The following CDKN1B variants were observed in gnomAD, a reference collection of about 807,000 sequenced individuals.
CDKN1B encodes the protein cyclin-dependent kinase inhibitor 1B.
In CDKN1B, 7 loss-of-function variants were observed where a neutral mutation model predicts 17.1. That is an observed-to-expected ratio of 0.41 (90% confidence interval 0.23 to 0.77). The LOEUF is 0.77. Ranked by LOEUF, CDKN1B falls within the 30% of genes least tolerant of loss-of-function variation. The pLI is 0.33. For missense variants in CDKN1B, 337 were observed against 262.0 expected (o/e 1.29, Z -1.98); for synonymous variants, 149 against 104.3 (o/e 1.43, Z -2.61).
rs146167605 is a variant in CDKN1B at position 12,718,879 on chromosome 12, G to C, written c.530G>C (p.Gly177Ala). ...AGAACAGAAGAAAATGTTTCAGACG[G>C]TTCCCCAAATGCCGGTTCTGTGGAG... ...ANRTEENVSDGSPNAGSVEQT... is the reference protein window; with the variant it reads ...ANRTEENVSDASPNAGSVEQT... Residue 177 changes from glycine to alanine, a missense_variant, in exon 2 of 3, where the codon GGT (glycine) becomes GCT (alanine). Coordinates refer to ENST00000228872, the MANE Select transcript of CDKN1B (RefSeq NM_004064.5). The C allele has an allele frequency of 1.2e-5, 19 of 1,614,112 alleles. No homozygotes were observed. In the African/African-American group the frequency reaches 2.5e-4, roughly 22 times the overall value.
intron 1 of CDKN1B, 75 bp downstream of exon 1, chr12:12,718,389 G>C: frequency 7.6e-7 from 1 of 1,324,084 alleles, no homozygotes; most frequent in Non-Finnish European, 1.1e-6. Context: ...ACCTTAGCTT[G>C]CTTTTCGGCG....
rs1946489200 is a variant in CDKN1B, at chr12:12,717,966, C to T, written c.127C>T (p.Arg43Trp). 1.2e-6 allele frequency: 2 copies of T among 1,614,036 alleles called. No individual in the cohort carries two copies. The highest frequency in any genetic ancestry group is 1.7e-5 in the Admixed American group (1 of 60,002). The change falls in exon 1 of 3, where the codon CGG becomes TGG. Residue 43 changes from arginine to tryptophan, a missense_variant. Transcript: ENST00000228872. ...FGPVDHEELT[R>W]DLEKHCRDME... is the part of the protein sequence containing the mutation. ...CCCGGTGGACCACGAAGAGTTAACC[C>T]GGGACTTGGAGAAGCACTGCAGAGA...
intron 2 of CDKN1B, 75 bp downstream of exon 2, chr12:12,719,029 G>C: frequency 1.9e-6 from 3 of 1,579,930 alleles, no homozygotes; most frequent in African/African-American, 1.3e-5. Flanking sequence ...CTTACTGGTT[G>C]CTGGCAAATT....
chr12:12,718,693 G>A, intron 1 of CDKN1B, 132 bp from the exon 2 acceptor site: 1 of 1,056,290 alleles, frequency 9.5e-7, no homozygotes, highest in Non-Finnish European at 1.5e-6. Context: ...AAGCCACTGG[G>A]GATGACGGAT....
rs777875072 is a variant in CDKN1B, at chr12:12,718,310, C to A, written c.471C>A (p.Thr157=). Residue 157 remains threonine, a synonymous_variant, in exon 1 of 3, where the codon ACC becomes ACA. Transcript: ENST00000228872. ...QCAGIRKRPA[T]DDSSTQNKRA... ...CAGGAATAAGGAAGCGACCTGCAACCGACGGTAATGACCCTTTCCCAACCA... is the reference window on the plus strand; with the variant it reads ...CAGGAATAAGGAAGCGACCTGCAACAGACGGTAATGACCCTTTCCCAACCA... The A allele has an allele frequency of 1.5e-5, 24 of 1,601,050 alleles. No individual in the cohort carries two copies. Among genetic ancestry groups the A allele is most frequent in the African/African-American group, 8.0e-5 (6 of 74,948 alleles).
At position 12,717,513 on chromosome 12, in the gene CDKN1B, G is replaced by A. The variant is rs2136354914; in HGVS notation, c.-327G>A. The A allele has an allele frequency of 2.9e-6, 4 of 1,375,092 alleles. No homozygotes were observed. The East Asian group carries it at 8.5e-5, about 29-fold the overall frequency. The allele number at this position is 1,375,092 out of a possible 1,614,324, so 85.2% of individuals were successfully genotyped here. A position where few individuals can be genotyped will look rare whatever the true frequency, so the allele number is the denominator to read the frequency against. On this transcript the variant is annotated 5_prime_UTR_variant, in exon 1 of 3. Coordinates refer to ENST00000228872, the MANE Select transcript of CDKN1B (RefSeq NM_004064.5). The stretch of plus-strand genomic sequence containing the variant: ...CGCCGGCAAGGTTTGGAGAGCGGCT[G>A]GGTTCGCGGGACCCGCGGGCTTGCA...
rs747864095 is a variant in CDKN1B at position 12,718,034 on chromosome 12, G to T, written c.195G>T (p.Gln65His). Reference protein sequence around the residue: ...ASQRKWNFDFQNHKPLEGKYE... With the variant: ...ASQRKWNFDFHNHKPLEGKYE... The stretch of plus-strand genomic sequence containing the variant: ...AGCGCAAGTGGAATTTCGATTTTCA[G>T]AATCACAAACCCCTAGAGGGCAAGT... The change falls in exon 1 of 3, where the codon CAG becomes CAT. Residue 65 changes from glutamine to histidine, a missense_variant. Transcript: ENST00000228872. The T allele has an allele frequency of 1.8e-5, 29 of 1,614,238 alleles. 1 individual carries two copies. The Middle Eastern group carries it at 4.9e-4, about 28-fold the overall frequency.
In CDKN1B at chr12:12,718,836, C is replaced by A. The variant is rs1202861028; in HGVS notation, c.487C>A (p.Gln163Lys). The A allele has an allele frequency of 3.7e-6, 6 of 1,613,858 alleles. No individual in the cohort carries two copies. The African/African-American group carries it at 6.7e-5, about 18-fold the overall frequency. ...KRPATDDSST[Q>K]NKRANRTEEN... ...TCCCCTGCGCTTAGATTCTTCTACT[C>A]AAAACAAAAGAGCCAACAGAACAGA... Residue 163 changes from glutamine to lysine, a missense_variant, in exon 2 of 3, where the codon CAA becomes AAA. Gln to Lys is a moderately conservative substitution (Grantham distance 53). Transcript: ENST00000228872.
chr12:12,718,633 G>C (rs994420434), intron 1 of CDKN1B, among the ~76,000 whole-genome samples, 192 bp from the exon 2 acceptor site: 1 of 152,054 alleles, frequency 6.6e-6, no homozygotes, highest in East Asian at 1.9e-4. Context: ...GCTCTGGGGC[G>C]GAGAATGCAC....
chr12:12,720,386 A>C (rs201576347), intron 2 of CDKN1B, among the ~76,000 whole-genome samples: 2 of 152,210 alleles, frequency 1.3e-5, no homozygotes, highest in Non-Finnish European at 2.9e-5. Context: ...CTGCATATGA[A>C]TCAGGAATTA....
In CDKN1B at chr12:12,717,866, G is replaced by A. The variant is rs1060503869; in HGVS notation, c.27G>A (p.Gly9=). Residue 9 remains glycine (G), a synonymous_variant, in exon 1 of 3, where the codon GGG becomes GGA. Transcript: ENST00000228872. MSNVRVSN[G]SPSLERMDAR... ...TGTCAAACGTGCGAGTGTCTAACGG[G>A]AGCCCTAGCCTGGAGCGGATGGACG... 4.3e-6 allele frequency: 7 copies of A among 1,613,694 alleles called. No individual in the cohort carries two copies. The highest frequency in any genetic ancestry group is 5.9e-6 in the Non-Finnish European group (7 of 1,180,032).
intron 2 of CDKN1B, among the ~76,000 whole-genome samples, chr12:12,719,948 C>T (rs914870366): frequency 2.0e-5 from 3 of 152,088 alleles, no homozygotes; most frequent in Admixed American, 6.5e-5. Context: ...AAAGCACACA[C>T]GTAGTTTAGC....
rs777396771 is a variant in CDKN1B at position 12,721,127 on chromosome 12, G to A, written c.*100G>A. ...GAAAATTTTAAAAATACATATCGCT[G>A]ACTTCATGGAATGGACATCCTGTAT... On this transcript the variant is annotated 3_prime_UTR_variant, in exon 3 of 3. Transcript: ENST00000228872. The A allele has an allele frequency of 3.9e-6, 3 of 773,878 alleles. No homozygotes were observed. The Admixed American group carries it at 5.2e-5, about 13-fold the overall frequency. 47.9% of individuals were successfully genotyped at this position (773,878 alleles called of 1,614,324 possible).
At position 12,718,227 on chromosome 12, in the gene CDKN1B, T is replaced by TTGGTGGACCCAAAGACTGATC. The variant is rs1946497601; in HGVS notation, c.389_409dup (p.Leu130_Asp136dup). The TTGGTGGACCCAAAGACTGATC allele has an allele frequency of 6.2e-7, 1 of 1,612,772 alleles. No homozygotes were observed. Among genetic ancestry groups the TTGGTGGACCCAAAGACTGATC allele is most frequent in the Non-Finnish European group, 8.5e-7 (1 of 1,179,998 alleles). ...TCCGGCTAACTCTGAGGACACGCAT[T>TTGGTGGACCCAAAGACTGATC]TGGTGGACCCAAAGACTGATCCGTC... On this transcript the variant is annotated inframe_insertion, in exon 1 of 3. Coordinates refer to ENST00000228872, the MANE Select transcript of CDKN1B (RefSeq NM_004064.5).
rs906566154 is a variant in CDKN1B, at chr12:12,721,206, G to T, written c.*179G>T. 1.3e-6 allele frequency: 1 copy of T among 760,284 alleles called. No individual in the cohort carries two copies. Among genetic ancestry groups the T allele is most frequent in the Admixed American group, 1.8e-5 (1 of 55,120 alleles). 47.1% of individuals were successfully genotyped at this position (760,284 alleles called of 1,614,324 possible). On this transcript the variant is annotated 3_prime_UTR_variant, in exon 3 of 3. Coordinates refer to ENST00000228872, the MANE Select transcript of CDKN1B (RefSeq NM_004064.5). ...ACTAAAATTTTAGGCACTCTTAAAT[G>T]ATCTGCCTCTAAAAGCGTTGGATGT...
rs1434737947 is a variant in CDKN1B, at chr12:12,717,814, G to C, written c.-26G>C. On this transcript the variant is annotated 5_prime_UTR_variant, in exon 1 of 3. Coordinates refer to ENST00000228872, the MANE Select transcript of CDKN1B (RefSeq NM_004064.5). ...TTTGTTTTTTTGAGAGTGCGAGAGA[G>C]GCGGTCGTGCAGACCCGGGAGAAAG... The C allele has an allele frequency of 6.2e-7, 1 of 1,610,792 alleles. No individual in the cohort carries two copies. The highest frequency in any genetic ancestry group is 8.5e-7 in the Non-Finnish European group (1 of 1,179,888).
In CDKN1B at chr12:12,718,850, C is replaced by T. The variant is rs970725403; in HGVS notation, c.501C>T (p.Ala167=). 6 of 1,613,920 alleles carry T rather than the reference C, an allele frequency of 3.7e-6. No individual in the cohort carries two copies. Among genetic ancestry groups the T allele is most frequent in the African/African-American group, 1.3e-5 (1 of 74,874 alleles). The stretch of plus-strand genomic sequence containing the variant: ...ATTCTTCTACTCAAAACAAAAGAGC[C>T]AACAGAACAGAAGAAAATGTTTCAG... ...TDDSSTQNKR[A]NRTEENVSDG... Residue 167 remains alanine, a synonymous_variant, in exon 2 of 3, where the codon GCC becomes GCT. Transcript: ENST00000228872.
At chr12:12,718,784 AAAGATT>A (rs745578457) in intron 1 of CDKN1B, 35 bp from the exon 2 acceptor site, 2 of 1,612,544 alleles carry the variant, frequency 1.2e-6, no homozygotes, top group African/African-American at 2.7e-5. Flanking sequence ...TTTTTCTAAT[AAAGATT>A]GTGTGTTCTT....
At chr12:12,719,406 ATGTT>A (rs2136357884) in intron 2 of CDKN1B, 1 of 206,388 alleles carries the variant, frequency 4.8e-6, no homozygotes, top group East Asian at 1.2e-4. Flanking sequence ...TTGAGGGGGA[ATGTT>A]TGGTAGAAAT....
Sources: gnomAD v4.1 joint callset for allele counts (sites outside exome capture counted in the v4.1 genomes callset) on GRCh38, gnomAD v4.1.1 for gene constraint, MANE v1.5 for transcripts, NCBI Gene and HGNC (gene_info 2026-07-23, HGNC 2026-07-21) for gene names.